Variants in WBP1L observed in about 807,000 individuals in gnomAD.
WBP1L encodes WW domain binding protein 1 like.
WBP1L carries 17 observed loss-of-function variants against 33.7 expected under a neutral mutation model. The ratio of observed to expected loss-of-function variants is 0.50; its 90% CI spans 0.34 to 0.76. The LOEUF (loss-of-function observed/expected upper bound fraction) is 0.76, where lower values mean the gene tolerates loss of function less well. Among genes scored for constraint, WBP1L ranks in the 30% least tolerant of loss-of-function variants. The probability of loss-of-function intolerance (pLI) is 0.01; values close to 1 mark genes in which losing one functional copy is unlikely to be tolerated. For synonymous variants in WBP1L, 173 were observed against 190.8 expected, an observed-to-expected ratio of 0.91 and a Z score of 0.77; for missense variants, 389 against 469.4, an observed-to-expected ratio of 0.83 and a Z score of 1.58.
At chr10:102,774,121 T>C (rs908505820) in intron 1 of WBP1L, among the ~76,000 whole-genome samples, 5 of 152,114 alleles carry the variant, frequency 3.3e-5, no homozygotes, top group Non-Finnish European at 7.4e-5. Context: ...GAGGATGCTG[T>C]TTCCATCAGT....
intron 1 of WBP1L, among the ~76,000 whole-genome samples, chr10:102,776,714 T>C (rs1038331253): frequency 4.6e-5 from 7 of 152,158 alleles, no homozygotes; most frequent in African/African-American, 1.7e-4. Flanking sequence ...AGCTGAAGAA[T>C]GGGGCTGGGG....
intron 1 of WBP1L, among the ~76,000 whole-genome samples, chr10:102,782,297 T>C (rs1483766479): frequency 7.0e-6 from 1 of 143,450 alleles, no homozygotes; most frequent in Non-Finnish European, 1.5e-5. Flanking sequence ...GAAAGTGTAC[T>C]GGACAGTAAC....
chr10:102,810,149 A>G (rs576086714), intron 3 of WBP1L, 95 bp downstream of exon 3: 8 of 1,492,206 alleles, frequency 5.4e-6, no homozygotes, highest in African/African-American at 1.4e-5. Context: ...TCCTGTAGGC[A>G]TAGGGGGTTT....
Position 102,814,249 on chromosome 10 carries a change from C to T in WBP1L, c.*918C>T, listed in dbSNP as rs1843894835. ...TCTTGGAACCTCTGTGAGCAGGAGG[C>T]CCTAAGCCGCAGCAGTGGATAGAGG... On this transcript the variant is annotated 3_prime_UTR_variant, in exon 4 of 4. Coordinates refer to ENST00000448841, the MANE Select transcript of WBP1L (RefSeq NM_001083913.2). 6.6e-6 allele frequency: 1 copy of T among 152,252 alleles called. No homozygotes were observed. Among genetic ancestry groups the T allele is most frequent in the Non-Finnish European group, 1.5e-5 (1 of 68,056 alleles). 9.4% of individuals were successfully genotyped at this position (152,252 alleles called of 1,614,324 possible).
intron 1 of WBP1L, among the ~76,000 whole-genome samples, chr10:102,797,635 C>G (rs1414951596): frequency 1.3e-5 from 2 of 152,144 alleles, no homozygotes; most frequent in African/African-American, 4.8e-5. Flanking sequence ...TCACTGCAAT[C>G]TCTGCCTCTC....
At chr10:102,744,171 G>T in intron 1 of WBP1L, 28 bp downstream of exon 1, 1 of 1,538,538 alleles carries the variant, frequency 6.5e-7, no homozygotes, top group Non-Finnish European at 8.8e-7. Context: ...TCTGGGCCAT[G>T]TTGGGTCCTG....
At chr10:102,774,743 T>C (rs1246023455) in intron 1 of WBP1L, among the ~76,000 whole-genome samples, 1 of 152,152 alleles carries the variant, frequency 6.6e-6, no homozygotes, top group Non-Finnish European at 1.5e-5. Flanking sequence ...TGGATAAGTA[T>C]CATGAAAGAA....
At chr10:102,768,781 G>A (rs1485749609) in intron 1 of WBP1L, among the ~76,000 whole-genome samples, 3 of 146,910 alleles carry the variant, frequency 2.0e-5, no homozygotes, top group South Asian at 4.4e-4. Context: ...TCCACCTCCC[G>A]GGTTCATGCC....
chr10:102,802,503 C>T (rs933464245), intron 2 of WBP1L, among the ~76,000 whole-genome samples: 2 of 152,024 alleles, frequency 1.3e-5, no homozygotes, highest in African/African-American at 4.8e-5. Context: ...TGTTCCTAAC[C>T]TGTGTTTCTT....
intron 2 of WBP1L, among the ~76,000 whole-genome samples, chr10:102,808,672 G>A (rs922805806): frequency 6.6e-6 from 1 of 152,230 alleles, no homozygotes; most frequent in African/African-American, 2.4e-5. Context: ...ACACTCTCTA[G>A]GGAGGAGATG....
chr10:102,757,847 G>GATT (rs1842994578), intron 1 of WBP1L, among the ~76,000 whole-genome samples: 1 of 144,536 alleles, frequency 6.9e-6, no homozygotes, highest in Admixed American at 7.0e-5. Flanking sequence ...AAAGTGCTGG[G>GATT]ATTACAGCAT....
chr10:102,790,844 G>A (rs188641812), intron 1 of WBP1L, among the ~76,000 whole-genome samples: 206 of 152,220 alleles, frequency 1.4e-3, no homozygotes, highest in East Asian at 0.01. Context: ...CCTTTGTGCC[G>A]TGGCTGAGGG....
intron 1 of WBP1L, among the ~76,000 whole-genome samples, chr10:102,797,364 C>T (rs1198560170): frequency 3.3e-5 from 5 of 152,138 alleles, no homozygotes; most frequent in Admixed American, 6.5e-5. Context: ...AGGTTAGCAC[C>T]GGAACATGAA....
In WBP1L at chr10:102,744,135, C is replaced by G; in HGVS notation, c.82C>G (p.Pro28Ala). 6.4e-7 allele frequency: 1 copy of G among 1,550,482 alleles called. No individual in the cohort carries two copies. The highest frequency in any genetic ancestry group is 8.7e-7 in the Non-Finnish European group (1 of 1,146,722). Residue 28 changes from proline (P) to alanine (A), a missense_variant, in exon 1 of 4, where the codon CCC becomes GCC. Transcript: ENST00000448841. ...CAGCCCCTTGTCAGCCAGGGCTGAA[C>G]CCCCGCAGGTAAGGGGGAGGGGGCG... ...LPSPLSARAEPPQDKEACVGT... is the reference protein window; with the variant it reads ...LPSPLSARAEAPQDKEACVGT...
At chr10:102,771,907 G>T (rs546881797) in intron 1 of WBP1L, among the ~76,000 whole-genome samples, 10 of 152,146 alleles carry the variant, frequency 6.6e-5, no homozygotes, top group African/African-American at 2.4e-4. Flanking sequence ...GACTGCCTCG[G>T]TAGAAGGATA....
intron 1 of WBP1L, among the ~76,000 whole-genome samples, chr10:102,784,580 C>T (rs1254455095): frequency 2.6e-5 from 4 of 151,922 alleles, no homozygotes; most frequent in Non-Finnish European, 4.4e-5. Context: ...CGCCCGCCAC[C>T]ACACCCGGCT....
At chr10:102,804,570 G>T (rs753604543) in intron 2 of WBP1L, among the ~76,000 whole-genome samples, 51 of 152,020 alleles carry the variant, frequency 3.4e-4, no homozygotes, top group Non-Finnish European at 6.9e-4. Flanking sequence ...TGTGCCACAG[G>T]AACAAGCAAG....
At chr10:102,809,458 A>G (rs570828701) in intron 2 of WBP1L, among the ~76,000 whole-genome samples, 2 of 149,420 alleles carry the variant, frequency 1.3e-5, no homozygotes, top group East Asian at 2.0e-4. Context: ...TACAACCTCT[A>G]TCTCCTGGTT....
At chr10:102,757,089 C>A (rs751110594) in intron 1 of WBP1L, among the ~76,000 whole-genome samples, 2 of 152,078 alleles carry the variant, frequency 1.3e-5, no homozygotes, top group African/African-American at 2.4e-5. Context: ...AAGGTTTTGC[C>A]ATGTTGGTCA....
Sources: allele counts gnomAD v4.1 joint callset (sites outside exome capture counted in the v4.1 genomes callset), GRCh38; gene constraint gnomAD v4.1.1; transcripts MANE v1.5; gene names NCBI Gene and HGNC (gene_info 2026-07-23, HGNC 2026-07-21).